The following PCBP2 variants were observed in gnomAD, a reference collection of about 807,000 sequenced individuals.
PCBP2 encodes the protein poly(rC) binding protein 2.
In PCBP2, 4 loss-of-function variants were observed where a neutral mutation model predicts 50.1. That is an observed-to-expected ratio of 0.08 (90% CI 0.04 to 0.18). The LOEUF (loss-of-function observed/expected upper bound fraction) is 0.18, where lower values mean the gene tolerates loss of function less well. PCBP2 is among the 10% of genes least tolerant of loss of function. PCBP2 has a pLI of 1.00. For missense variants in PCBP2, 161 were observed against 474.3 expected (o/e 0.34, Z 6.14); for synonymous variants, 179 against 168.0 (o/e 1.07, Z -0.51).
chr12:53,460,354 A>G, intron 6 of PCBP2: 1 of 384,162 alleles, frequency 2.6e-6, no homozygotes. Flanking sequence ...TGTTTTGCTC[A>G]GGCTGGTCTC....
intron 13 of PCBP2, 85 bp downstream of exon 13, chr12:53,468,917 C>CTT (rs5798266): frequency 0.063 from 35,546 of 568,478 alleles, 185 homozygotes; most frequent in African/African-American, 0.088. Flanking sequence ...TCCTGCTACC[C>CTT]TTTTTTTTTT....
rs1195652568 is a variant in PCBP2, at chr12:53,455,472, A to T, written c.105A>T (p.Ser35=). 1 of 1,614,022 alleles carries T rather than the reference A, an allele frequency of 6.2e-7. No homozygotes were observed. Among genetic ancestry groups the T allele is most frequent in the Non-Finnish European group, 8.5e-7 (1 of 1,179,994 alleles). ...CTTTTCCTTTACAGAAAGGAGAATC[A>T]GTTAAGAAGATGCGCGAGGAGGTAA... The part of the protein sequence containing the change: ...VGSIIGKKGE[S]VKKMREESGA... Residue 35 remains serine (S), a synonymous_variant, in exon 4 of 15, where the codon TCA becomes TCT. Coordinates refer to ENST00000546463, the MANE Select transcript of PCBP2 (RefSeq NM_031989.5).
rs967037176 is a variant in PCBP2, at chr12:53,458,841, G to A, written c.244-431G>A. Among the ~76,000 whole-genome samples the A allele has an allele frequency of 2.0e-5, 3 of 152,080 alleles. No individual in the cohort carries two copies. The East Asian group carries it at 5.8e-4, about 29-fold the overall frequency. On this transcript the variant is annotated intron_variant, in intron 5 of 14. Transcript: ENST00000546463. ...TTTAGTGGAGACGGGGTCTCACTAT[G>A]TTGGCCAGGCTGGTCTTGAACTCCC...
In PCBP2 at chr12:53,467,919, C is replaced by T. The variant is rs1253586979; in HGVS notation, c.826+76C>T. 1.1e-5 allele frequency: 12 copies of T among 1,099,192 alleles called. No homozygotes were observed. In the Admixed American group the frequency reaches 1.9e-4, roughly 17 times the overall value. The allele number at this position is 1,099,192 out of a possible 1,614,324, so 68.1% of individuals were successfully genotyped here. On this transcript the variant is annotated intron_variant, in intron 12 of 14. Coordinates refer to ENST00000546463, the MANE Select transcript of PCBP2 (RefSeq NM_031989.5). ...AACTGGTGGGAGTCTTGTTTCACTGCCCATGAACCATACCAGCAACATGCA... is the reference window on the plus strand; with the variant it reads ...AACTGGTGGGAGTCTTGTTTCACTGTCCATGAACCATACCAGCAACATGCA...
intron 5 of PCBP2, 82 bp downstream of exon 5, chr12:53,456,083 C>T: frequency 1.2e-6 from 1 of 856,380 alleles, no homozygotes; most frequent in South Asian, 1.4e-5. Context: ...TTTTTAAATT[C>T]AAGGACACAC....
chr12:53,477,694 A>AC (rs1278140985), intron 14 of PCBP2, among the ~76,000 whole-genome samples: 1 of 138,022 alleles, frequency 7.2e-6, no homozygotes, highest in Non-Finnish European at 1.6e-5. Flanking sequence ...AAAAAAAAAA[A>AC]CCCTAAATAT....
intron 5 of PCBP2, among the ~76,000 whole-genome samples, chr12:53,458,817 T>G (rs959760817): frequency 6.6e-6 from 1 of 151,832 alleles, no homozygotes; most frequent in African/African-American, 2.4e-5. Context: ...TTTTGTATTT[T>G]TAGTGGAGAC....
chr12:53,453,421 A>T (rs1326701943), intron 1 of PCBP2: 2 of 152,194 alleles, frequency 1.3e-5, no homozygotes, highest in African/African-American at 4.8e-5. Flanking sequence ...TTTTGCCAGC[A>T]ATTAATTGTA....
intron 1 of PCBP2, 125 bp from the exon 2 acceptor site, chr12:53,454,601 T>TA (rs1178913876): frequency 1.7e-5 from 10 of 588,374 alleles, no homozygotes; most frequent in Non-Finnish European, 2.8e-5. Context: ...GGTGTGTATA[T>TA]AAGTCTGACA....
chr12:53,477,539 G>A lies in PCBP2; in HGVS notation c.1053-1867G>A, dbSNP rs1230376751. Among the ~76,000 whole-genome samples the A allele has an allele frequency of 3.3e-5, 5 of 151,654 alleles. No individual in the cohort carries two copies. The South Asian group carries it at 1.0e-3, about 32-fold the overall frequency. ...AAATTAGCTGGGCATGGTGGTGGGCGCCTGTAGTCCCAGCAACTCGGGAGG... is the reference window on the plus strand; with the variant it reads ...AAATTAGCTGGGCATGGTGGTGGGCACCTGTAGTCCCAGCAACTCGGGAGG... On this transcript the variant is annotated intron_variant, in intron 14 of 14. Transcript: ENST00000546463.
chr12:53,471,844 C>G, intron 14 of PCBP2, 37 bp downstream of exon 14: 1 of 1,580,678 alleles, frequency 6.3e-7, no homozygotes, highest in Non-Finnish European at 8.6e-7. Context: ...TTTATGCCAA[C>G]ACAGTAATGT....
intron 13 of PCBP2, among the ~76,000 whole-genome samples, chr12:53,471,152 G>T (rs1354402362): frequency 6.6e-6 from 1 of 152,032 alleles, no homozygotes; most frequent in Non-Finnish European, 1.5e-5. Context: ...GGATGAAATT[G>T]GGCATGGCGG....
chr12:53,467,274 T>A lies in PCBP2; in HGVS notation c.768T>A (p.His256Gln). The A allele has an allele frequency of 6.2e-7, 1 of 1,614,040 alleles. No homozygotes were observed. The highest frequency in any genetic ancestry group is 8.5e-7 in the Non-Finnish European group (1 of 1,179,842). The change falls in exon 11 of 15, where the codon CAT becomes CAA. Residue 256 changes from histidine (H) to glutamine (Q), a missense_variant. By Grantham distance (24) the His-to-Gln change is conservative. Around this residue, in one of 7 missense-constraint regions of PCBP2, gnomAD observed 51 missense variants for 193.0 expected, o/e 0.26. Coordinates refer to ENST00000546463, the MANE Select transcript of PCBP2 (RefSeq NM_031989.5). ...AACAGTCTCATTTTCCCATGACGCA[T>A]GGCAACACCGGATTCAGTGGTATGG... ...AMQQSHFPMT[H>Q]GNTGFSGIES...
intron 13 of PCBP2, among the ~76,000 whole-genome samples, chr12:53,469,385 TTG>T (rs1942045796): frequency 6.6e-6 from 1 of 152,038 alleles, no homozygotes; most frequent in Non-Finnish European, 1.5e-5. Context: ...TAGACTATTA[TTG>T]TGTGAGGTAT....
Position 53,480,667 on chromosome 12 carries a change from C to T in PCBP2, c.*1225C>T, listed in dbSNP as rs991619529. 1 of 152,522 alleles carries T rather than the reference C, an allele frequency of 6.6e-6. No individual in the cohort carries two copies. The highest frequency in any genetic ancestry group is 2.4e-5 in the African/African-American group (1 of 41,390). The allele number at this position is 152,522 out of a possible 1,614,324, so 9.4% of individuals were successfully genotyped here. A position where few individuals can be genotyped will look rare whatever the true frequency, so the allele number is the denominator to read the frequency against. On this transcript the variant is annotated 3_prime_UTR_variant, in exon 15 of 15. Coordinates refer to ENST00000546463, the MANE Select transcript of PCBP2 (RefSeq NM_031989.5). Reference sequence around the variant, plus strand: ...CCTCCCCCTGGGCCTTAAGACAGGGCTTGGGCAGAGAAGATAAATGGTGGG... The same window carrying T: ...CCTCCCCCTGGGCCTTAAGACAGGGTTTGGGCAGAGAAGATAAATGGTGGG...
chr12:53,476,760 A>G (rs867469560), intron 14 of PCBP2, among the ~76,000 whole-genome samples: 4 of 152,146 alleles, frequency 2.6e-5, no homozygotes, highest in Non-Finnish European at 5.9e-5. Flanking sequence ...CGTCTCAAGT[A>G]TGCATAAAGG....
rs1555209672 is a variant in PCBP2, at chr12:53,479,672, T to TTTTTTTTTTTTTGG, written c.*241_*242insTGGTTTTTTTTTTT. On this transcript the variant is annotated 3_prime_UTR_variant, in exon 15 of 15. Transcript: ENST00000546463. ...TTTAGTTTTATAAGCTTCTCCCTGGTTTTTTTTTTTTGGCTCATGAATTTT... is the reference window on the plus strand; with the variant it reads ...TTTAGTTTTATAAGCTTCTCCCTGGTTTTTTTTTTTTTGGTTTTTTTTTTTGGCTCATGAATTTT... The TTTTTTTTTTTTTGG allele has an allele frequency of 5.9e-5, 17 of 286,808 alleles. No individual in the cohort carries two copies. Among genetic ancestry groups the TTTTTTTTTTTTTGG allele is most frequent in the African/African-American group, 2.3e-4 (10 of 43,530 alleles). 17.8% of individuals were successfully genotyped at this position (286,808 alleles called of 1,614,324 possible).
At chr12:53,459,134 T>C (rs139884063) in intron 5 of PCBP2, 138 bp from the exon 6 acceptor site, 5 of 585,908 alleles carry the variant, frequency 8.5e-6, no homozygotes, top group African/African-American at 3.7e-5. Context: ...GGCATGGTAT[T>C]TGAACCTTTT....
rs947464111 is a variant in PCBP2, at chr12:53,480,101, T to G, written c.*659T>G. ...TAGGGGAGTAGGCAAGCACTTCCAC[T>G]AGGGAGGGGGTGGGGGAAAGGAATG... On this transcript the variant is annotated 3_prime_UTR_variant, in exon 15 of 15. Transcript: ENST00000546463. 2.0e-5 allele frequency: 3 copies of G among 151,126 alleles called. No homozygotes were observed. Among genetic ancestry groups the G allele is most frequent in the African/African-American group, 7.3e-5 (3 of 40,994 alleles). 9.4% of individuals were successfully genotyped at this position (151,126 alleles called of 1,614,324 possible).
Sources: allele counts gnomAD v4.1 joint callset (sites outside exome capture counted in the v4.1 genomes callset), GRCh38; gene constraint gnomAD v4.1.1; regional missense constraint gnomAD v4.1.1; transcripts MANE v1.5; gene names NCBI Gene and HGNC (gene_info 2026-07-23, HGNC 2026-07-21).